The following TNFRSF10C variants were observed in gnomAD, a reference collection of about 807,000 sequenced individuals.
The protein encoded by TNFRSF10C is tumor necrosis factor receptor superfamily member 10C.
A neutral mutation model predicts 16.7 loss-of-function variants in TNFRSF10C; 17 were observed. That is an observed-to-expected ratio of 1.02 (90% CI 0.70 to 1.53). The LOEUF (loss-of-function observed/expected upper bound fraction) is 1.53. Ranked by LOEUF, TNFRSF10C falls within the 40% of genes most tolerant of loss-of-function variation. The probability of loss-of-function intolerance (pLI) is 0.00; values close to 1 mark genes in which losing one functional copy is unlikely to be tolerated. For synonymous variants in TNFRSF10C, 73 were observed against 119.7 expected (o/e 0.61, Z 2.55); for missense variants, 237 against 329.7 (o/e 0.72, Z 2.18).
chr8:23,109,960 GC>G (rs1195824112), intron 1 of TNFRSF10C, among the ~76,000 whole-genome samples: 1 of 149,958 alleles, frequency 6.7e-6, no homozygotes, highest in African/African-American at 2.4e-5. Context: ...GACTGAGGTG[GC>G]AGGACCACTT....
Position 23,117,127 on chromosome 8 carries a change from C to T in TNFRSF10C, c.*96C>T, listed in dbSNP as rs1270882227. 2.6e-6 allele frequency: 4 copies of T among 1,524,648 alleles called. No homozygotes were observed. The highest frequency in any genetic ancestry group is 4.5e-5 in the East Asian group (2 of 44,476). The allele number at this position is 1,524,648 out of a possible 1,614,324, so 94.4% of individuals were successfully genotyped here. ...GCGCTGGACACTCTCTGCCCTGCCT[C>T]CCTCTGCTGTGTTCCCACAGACAGA... is the stretch of plus-strand genomic sequence containing the variant. On this transcript the variant is annotated 3_prime_UTR_variant, in exon 5 of 5. Transcript: ENST00000356864.
chr8:23,110,864 T>G (rs552472843), intron 1 of TNFRSF10C, among the ~76,000 whole-genome samples: 1 of 152,222 alleles, frequency 6.6e-6, no homozygotes, highest in Admixed American at 6.5e-5. Context: ...ATTGGTCAAT[T>G]AAACACTTGG....
In TNFRSF10C at chr8:23,103,059, C is replaced by T. The variant is rs1485813687; in HGVS notation, c.-63C>T. On this transcript the variant is annotated 5_prime_UTR_variant, in exon 1 of 5. Coordinates refer to ENST00000356864, the MANE Select transcript of TNFRSF10C (RefSeq NM_003841.5). ...AGGGAACTCTGGGGACAGAGCGCCCCGGCCGCCTGATGGCCGAGGCAGGGT... is the reference window on the plus strand; with the variant it reads ...AGGGAACTCTGGGGACAGAGCGCCCTGGCCGCCTGATGGCCGAGGCAGGGT... 6.3e-7 allele frequency: 1 copy of T among 1,582,590 alleles called. No individual in the cohort carries two copies. The highest frequency in any genetic ancestry group is 8.6e-7 in the Non-Finnish European group (1 of 1,164,818).
chr8:23,114,602 C>A, intron 2 of TNFRSF10C, 55 bp from the exon 3 acceptor site: 1 of 1,445,598 alleles, frequency 6.9e-7, no homozygotes, highest in Non-Finnish European at 9.7e-7. Flanking sequence ...CCACCACTGT[C>A]AGCCTCTGGG....
In TNFRSF10C at chr8:23,114,886, G is replaced by A. The variant is rs1813948046; in HGVS notation, c.280+116G>A. The A allele has an allele frequency of 7.8e-6, 6 of 769,978 alleles. No individual in the cohort carries two copies. In the Admixed American group the frequency reaches 1.2e-4, roughly 15 times the overall value. 47.7% of individuals were successfully genotyped at this position (769,978 alleles called of 1,614,324 possible). On this transcript the variant is annotated intron_variant, in intron 3 of 4. Transcript: ENST00000356864. ...AGCCCAACCTGGTCTTCATCACCCT[G>A]TTCTATGATTATATATTTGACTGAT... is the stretch of plus-strand genomic sequence containing the variant.
intron 1 of TNFRSF10C, among the ~76,000 whole-genome samples, chr8:23,105,763 TG>T (rs1813765125): frequency 6.6e-6 from 1 of 152,182 alleles, no homozygotes; most frequent in African/African-American, 2.4e-5. Context: ...GTGGGGACAG[TG>T]CCATGCCCCG....
At position 23,115,581 on chromosome 8, in the gene TNFRSF10C, T is replaced by C; in HGVS notation, c.354T>C (p.Asn118=). 1 of 1,613,724 alleles carries C rather than the reference T, an allele frequency of 6.2e-7. No individual in the cohort carries two copies. Among genetic ancestry groups the C allele is most frequent in the Non-Finnish European group, 8.5e-7 (1 of 1,179,830 alleles). The change falls in exon 4 of 5, where the codon AAT becomes AAC. Residue 118 remains asparagine (N), a synonymous_variant. Coordinates refer to ENST00000356864, the MANE Select transcript of TNFRSF10C (RefSeq NM_003841.5). The part of the protein sequence containing the change: ...VCQCKEGTFR[N]ENSPEMCRKC... Reference sequence around the variant, plus strand: ...AGTGTAAAGAAGGCACCTTCCGGAATGAAAACTCCCCAGAGATGTGCCGGA... The same window carrying C: ...AGTGTAAAGAAGGCACCTTCCGGAACGAAAACTCCCCAGAGATGTGCCGGA...
rs376883302 is a variant in TNFRSF10C, at chr8:23,103,145, A to G, written c.24A>G (p.Leu8=). The G allele has an allele frequency of 1.9e-5, 31 of 1,612,394 alleles. No individual in the cohort carries two copies. In the East Asian group the frequency reaches 5.8e-4, roughly 30 times the overall value. The change falls in exon 1 of 5, where the codon CTA becomes CTG. Residue 8 remains leucine (L), a synonymous_variant. Coordinates refer to ENST00000356864, the MANE Select transcript of TNFRSF10C (RefSeq NM_003841.5). ...CCATGGCCCGGATCCCCAAGACCCT[A>G]AAGTTCGTCGTCGTCATCGTCGCGG... MARIPKT[L]KFVVVIVAVL...
Position 23,108,757 on chromosome 8 carries a change from A to G in TNFRSF10C, c.61-2963A>G, listed in dbSNP as rs554580958. On this transcript the variant is annotated intron_variant, in intron 1 of 4. Transcript: ENST00000356864. ...CAGTAAAGTGGCAAGCGATCTGCAC[A>G]CTATCAACCACCTTGATTTAACTGA... Among the ~76,000 whole-genome samples, 3 of 152,354 alleles carry G rather than the reference A, an allele frequency of 2.0e-5. No homozygotes were observed. The South Asian group carries it at 6.2e-4, about 32-fold the overall frequency.
intron 2 of TNFRSF10C, among the ~76,000 whole-genome samples, chr8:23,113,203 C>G (rs574113971): frequency 6.6e-6 from 1 of 152,212 alleles, no homozygotes; most frequent in South Asian, 2.1e-4. Flanking sequence ...TGGATTTTAA[C>G]CAAAATCTTG....
At chr8:23,116,552 G>T in intron 4 of TNFRSF10C, 89 bp from the exon 5 acceptor site, 3 of 1,515,658 alleles carry the variant, frequency 2.0e-6, no homozygotes, top group Non-Finnish European at 2.7e-6. Flanking sequence ...CCTTCTCAGG[G>T]ACATTGGAGA....
intron 1 of TNFRSF10C, 39 bp downstream of exon 1, chr8:23,103,220 A>G: frequency 6.3e-7 from 1 of 1,595,450 alleles, no homozygotes; most frequent in Non-Finnish European, 8.5e-7. Flanking sequence ...GGAAGAGCGC[A>G]CCTGGCGCCG....
intron 3 of TNFRSF10C, 35 bp downstream of exon 3, chr8:23,114,805 A>G (rs1276564200): frequency 1.3e-6 from 2 of 1,585,856 alleles, no homozygotes; most frequent in Non-Finnish European, 1.7e-6. Flanking sequence ...CCAGAGGTGG[A>G]GCGTGGGGCA....
rs1785243983 is a variant in TNFRSF10C at position 23,115,530 on chromosome 8, C to T, written c.303C>T (p.Cys101=). 1 of 1,613,094 alleles carries T rather than the reference C, an allele frequency of 6.2e-7. No individual in the cohort carries two copies. The highest frequency in any genetic ancestry group is 8.5e-7 in the Non-Finnish European group (1 of 1,179,492). The change falls in exon 4 of 5, where the codon TGC becomes TGT. Residue 101 remains cysteine, a synonymous_variant. Transcript: ENST00000356864. ...CAGATCAAAAACATAAAAGTTCCTG[C>T]ACCATGACCAGAGACACAGTGTGTC... The part of the protein sequence containing the change: ...CKSDQKHKSS[C]TMTRDTVCQC...
intron 4 of TNFRSF10C, among the ~76,000 whole-genome samples, chr8:23,116,110 C>T (rs1813978590): frequency 6.6e-6 from 1 of 152,172 alleles, no homozygotes; most frequent in African/African-American, 2.4e-5. Flanking sequence ...TTCAAGTTCC[C>T]ATGAAGGCCT....
chr8:23,116,367 C>T (rs891036093), intron 4 of TNFRSF10C, among the ~76,000 whole-genome samples: 5 of 152,174 alleles, frequency 3.3e-5, no homozygotes, highest in South Asian at 2.1e-4. Flanking sequence ...CTCCTCCTAA[C>T]GCAGGCCTCC....
chr8:23,105,442 G>A (rs1348453583), intron 1 of TNFRSF10C, among the ~76,000 whole-genome samples: 3 of 152,218 alleles, frequency 2.0e-5, no homozygotes, highest in Admixed American at 6.5e-5. Context: ...AGAAGCTTCT[G>A]AAGACTAGGG....
intron 1 of TNFRSF10C, 50 bp from the exon 2 acceptor site, chr8:23,111,670 G>A (rs368157714): frequency 1.4e-6 from 2 of 1,418,432 alleles, no homozygotes; most frequent in Non-Finnish European, 2.0e-6. Flanking sequence ...GAGCCTGGGA[G>A]GGGTGAGGTC....
chr8:23,104,365 C>A (rs1176089077), intron 1 of TNFRSF10C, among the ~76,000 whole-genome samples: 5 of 152,224 alleles, frequency 3.3e-5, no homozygotes, highest in African/African-American at 1.2e-4. Context: ...GATTGATCTT[C>A]TTTTAAACAA....
Sources: allele counts gnomAD v4.1 joint callset (sites outside exome capture counted in the v4.1 genomes callset), GRCh38; gene constraint gnomAD v4.1.1; transcripts MANE v1.5; gene names NCBI Gene and HGNC (gene_info 2026-07-23, HGNC 2026-07-21).